The following CNTN5 variants were observed in gnomAD, a reference collection of about 807,000 sequenced individuals.
The protein encoded by CNTN5 is contactin 5, also known as contactin-5.
Under a neutral mutation model 129.1 loss-of-function variants are expected in CNTN5, and 77 were observed. The observed-to-expected ratio is 0.60, with a 90% CI of 0.50 to 0.72. CNTN5 has a LOEUF of 0.72. CNTN5 is among the 30% of genes least tolerant of loss of function. The pLI is 0.00. For synonymous variants in CNTN5, 509 were observed against 465.6 expected (o/e 1.09, Z -1.20); for missense variants, 1,478 against 1,328.8 (o/e 1.11, Z -1.75).
chr11:99,247,645 T>C (rs1004938672), intron 1 of CNTN5, among the ~76,000 whole-genome samples: 9 of 152,028 alleles, frequency 5.9e-5, no homozygotes, highest in Non-Finnish European at 8.8e-5. Flanking sequence ...TGGTGTGTGA[T>C]GTTCCCCTTC....
chr11:99,366,503 T>C (rs923499288), intron 2 of CNTN5, among the ~76,000 whole-genome samples: 1 of 152,152 alleles, frequency 6.6e-6, no homozygotes, highest in Non-Finnish European at 1.5e-5. Flanking sequence ...ATATCAAAGA[T>C]GAAATAGCAA....
chr11:99,677,629 G>T (rs1591465563), intron 3 of CNTN5, among the ~76,000 whole-genome samples: 1 of 152,052 alleles, frequency 6.6e-6, no homozygotes, highest in Admixed American at 6.6e-5. Context: ...TAAACAAAAA[G>T]ATTTCAAAGT....
intron 1 of CNTN5, among the ~76,000 whole-genome samples, chr11:99,040,461 A>T (rs1233449618): frequency 1.3e-5 from 2 of 152,144 alleles, no homozygotes; most frequent in Non-Finnish European, 2.9e-5. Context: ...ATACTTGAGA[A>T]TATTTGTTGC....
At chr11:99,821,668 G>T (rs1946805121) in intron 4 of CNTN5, among the ~76,000 whole-genome samples, 1 of 152,022 alleles carries the variant, frequency 6.6e-6, no homozygotes, top group Non-Finnish European at 1.5e-5. Flanking sequence ...ACAACAAAAT[G>T]AGAAGTAGTA....
chr11:100,186,248 T>C (rs1948299194), intron 13 of CNTN5, among the ~76,000 whole-genome samples: 1 of 152,084 alleles, frequency 6.6e-6, no homozygotes, highest in Admixed American at 6.5e-5. Context: ...GGTGCATGCC[T>C]GTAGTCCCAG....
intron 17 of CNTN5, among the ~76,000 whole-genome samples, chr11:100,257,411 C>A (rs1950095690): frequency 6.6e-6 from 1 of 152,200 alleles, no homozygotes; most frequent in Admixed American, 6.5e-5. Flanking sequence ...AGCAGCAGAT[C>A]TCCCAGCGCA....
At chr11:99,846,662 A>G (rs187061419) in intron 6 of CNTN5, among the ~76,000 whole-genome samples, 1 of 152,260 alleles carries the variant, frequency 6.6e-6, no homozygotes. Flanking sequence ...ACCTGGAAGA[A>G]TGTAATAATT....
chr11:100,111,991 A>G (rs1231636309), intron 13 of CNTN5, among the ~76,000 whole-genome samples: 1 of 152,080 alleles, frequency 6.6e-6, no homozygotes, highest in Non-Finnish European at 1.5e-5. Flanking sequence ...AAATGCTGCA[A>G]TTTTTCCAGT....
intron 1 of CNTN5, among the ~76,000 whole-genome samples, chr11:99,145,745 T>C (rs927331334): frequency 6.6e-6 from 1 of 152,098 alleles, no homozygotes; most frequent in Non-Finnish European, 1.5e-5. Flanking sequence ...GGTAATAATA[T>C]TTTATAGACC....
intron 1 of CNTN5, among the ~76,000 whole-genome samples, chr11:99,308,858 C>A (rs78797103): frequency 0.09 from 13,701 of 152,070 alleles, 645 homozygotes; most frequent in South Asian, 0.13. Context: ...CTTCAGTTTG[C>A]ATATTTTTAT....
intron 1 of CNTN5, among the ~76,000 whole-genome samples, chr11:99,290,027 C>T (rs1864103104): frequency 6.6e-6 from 1 of 151,750 alleles, no homozygotes. Flanking sequence ...TAAAGACATT[C>T]TGCTACATCT....
intron 2 of CNTN5, among the ~76,000 whole-genome samples, chr11:99,472,402 G>A (rs1477074780): frequency 6.6e-6 from 1 of 152,032 alleles, no homozygotes; most frequent in Non-Finnish European, 1.5e-5. Flanking sequence ...TGCAAATTTT[G>A]TGTAGTCTGT....
In CNTN5 at chr11:99,449,332, T is replaced by C. The variant is rs74385616; in HGVS notation, c.-70-106813T>C. Among the ~76,000 whole-genome samples the C allele has an allele frequency of 1.0e-2, 1,522 of 152,306 alleles. 26 individuals carry two copies. Among genetic ancestry groups the C allele is most frequent in the African/African-American group, 0.034 (1,414 of 41,562 alleles). On this transcript the variant is annotated intron_variant, in intron 2 of 24. Transcript: ENST00000524871. ...ATAAAAGCCATTAGCTAAATAGATA[T>C]TGAGTTTTAATCTTCCTCTGCAATC...
At chr11:99,475,465 C>G (rs376175115) in intron 2 of CNTN5, among the ~76,000 whole-genome samples, 2 of 152,108 alleles carry the variant, frequency 1.3e-5, no homozygotes, top group Non-Finnish European at 2.9e-5. Flanking sequence ...TATCTGAAAA[C>G]AGTCATTTAT....
chr11:99,031,876 A>G (rs1419535634), intron 1 of CNTN5, among the ~76,000 whole-genome samples: 3 of 148,104 alleles, frequency 2.0e-5, no homozygotes, highest in Non-Finnish European at 4.5e-5. Context: ...TTAACTCGTC[A>G]TCTAGCATTA....
At chr11:99,223,967 A>G (rs1860542627) in intron 1 of CNTN5, among the ~76,000 whole-genome samples, 1 of 152,178 alleles carries the variant, frequency 6.6e-6, no homozygotes, top group African/African-American at 2.4e-5. Context: ...TGTGGTCCAT[A>G]TAAATGTTTC....
intron 3 of CNTN5, among the ~76,000 whole-genome samples, chr11:99,817,596 GTTTTTTTT>G (rs372057505): frequency 2.0e-5 from 2 of 99,640 alleles, no homozygotes; most frequent in East Asian, 3.6e-4. Context: ...GTCTGGGATA[GTTTTTTTT>G]TTTTTTTTTT....
At chr11:99,662,315 C>T (rs1952623433) in intron 3 of CNTN5, among the ~76,000 whole-genome samples, 1 of 152,152 alleles carries the variant, frequency 6.6e-6, no homozygotes, top group African/African-American at 2.4e-5. Flanking sequence ...ATCCCATATG[C>T]TACAATAATC....
At chr11:100,352,667 A>G (rs1952443439) in intron 24 of CNTN5, among the ~76,000 whole-genome samples, 1 of 151,762 alleles carries the variant, frequency 6.6e-6, no homozygotes, top group Non-Finnish European at 1.5e-5. Context: ...TTCTGGTGAA[A>G]AGATCTAAGA....
Sources: allele counts gnomAD v4.1 joint callset (sites outside exome capture counted in the v4.1 genomes callset), GRCh38; gene constraint gnomAD v4.1.1; transcripts MANE v1.5; gene names NCBI Gene and HGNC (gene_info 2026-07-23, HGNC 2026-07-21).